Variants in CSMD1 observed in about 807,000 individuals in gnomAD.
CSMD1 encodes the protein CUB and Sushi multiple domains 1.
A neutral mutation model predicts 417.5 loss-of-function variants in CSMD1; 213 were observed. That is an observed-to-expected ratio of 0.51 (90% CI 0.46 to 0.57). CSMD1 has a LOEUF of 0.57. Ranked by LOEUF, CSMD1 falls within the 20% of genes least tolerant of loss-of-function variation. CSMD1 has a pLI of 0.00. For synonymous variants in CSMD1, 2,862 were observed against 1,736.8 expected, an observed-to-expected ratio of 1.65 and a Z score of -16.11; for missense variants, 6,923 against 4,529.7, an observed-to-expected ratio of 1.53 and a Z score of -15.17.
intron 27 of CSMD1, among the ~76,000 whole-genome samples, chr8:3,228,846 T>C (rs1033943189): frequency 2.0e-5 from 3 of 151,742 alleles, no homozygotes; most frequent in African/African-American, 7.3e-5. Flanking sequence ...GCCACATTGA[T>C]AGGCAATCAC....
chr8:4,196,250 G>A (rs745738762), intron 3 of CSMD1, among the ~76,000 whole-genome samples: 35 of 152,106 alleles, frequency 2.3e-4, no homozygotes, highest in Non-Finnish European at 4.1e-4. Flanking sequence ...ATAAACGTCT[G>A]CTGTGTCAAG....
chr8:4,115,552 A>G (rs760120931), intron 3 of CSMD1, among the ~76,000 whole-genome samples: 2 of 152,206 alleles, frequency 1.3e-5, no homozygotes, highest in Admixed American at 6.5e-5. Flanking sequence ...CTAATTCATA[A>G]TTTATTATTT....
intron 5 of CSMD1, among the ~76,000 whole-genome samples, chr8:3,885,749 C>G (rs1397670382): frequency 6.6e-6 from 1 of 152,140 alleles, no homozygotes; most frequent in Non-Finnish European, 1.5e-5. Context: ...TTCTCCATCT[C>G]ACAAACAAAC....
At chr8:4,066,129 G>T (rs981041182) in intron 3 of CSMD1, among the ~76,000 whole-genome samples, 7 of 151,970 alleles carry the variant, frequency 4.6e-5, no homozygotes, top group Middle Eastern at 6.8e-3. Flanking sequence ...CTTTGTTCAA[G>T]CTCTTTTCTC....
rs183759680 is a variant in CSMD1, at chr8:3,391,467, A to G, written c.2594-3785T>C. Among the ~76,000 whole-genome samples, 297 of 152,354 alleles carry G rather than the reference A, an allele frequency of 1.9e-3. 3 individuals are homozygous for G. The highest frequency in any genetic ancestry group is 6.7e-3 in the African/African-American group (278 of 41,572). On this transcript the variant is annotated intron_variant, in intron 17 of 69. Coordinates refer to ENST00000635120, the MANE Select transcript of CSMD1 (RefSeq NM_033225.6). ...AGTGGTGATTTAAAGATCAACATAC[A>G]AAGCAGATGATCATTCTGGAGCGAG...
chr8:4,990,743 G>T lies in CSMD1; in HGVS notation c.85+3589C>A, dbSNP rs537688317. On this transcript the variant is annotated intron_variant, in intron 1 of 69. Transcript: ENST00000635120. The stretch of plus-strand genomic sequence containing the variant: ...AGTGTCCTGGCTTCATCAGGAGGAA[G>T]GGTATTGGGTGCGGCTCTGCCATAA... 7.2e-5 allele frequency among the ~76,000 whole-genome samples: 11 copies of T among 152,176 alleles called. No individual in the cohort carries two copies. The South Asian group carries it at 8.3e-4, about 12-fold the overall frequency.
chr8:3,239,782 G>C (rs1252229619), intron 26 of CSMD1, among the ~76,000 whole-genome samples: 1 of 152,128 alleles, frequency 6.6e-6, no homozygotes, highest in Middle Eastern at 3.2e-3. Context: ...ATGAGGGCGA[G>C]GAACAGGAAA....
chr8:4,129,259 G>T (rs1802950287), intron 3 of CSMD1, among the ~76,000 whole-genome samples: 1 of 152,032 alleles, frequency 6.6e-6, no homozygotes, highest in South Asian at 2.1e-4. Context: ...CTCCTGGGGA[G>T]CCTTCAGATC....
chr8:4,130,700 G>A (rs1306143287), intron 3 of CSMD1, among the ~76,000 whole-genome samples: 1 of 149,082 alleles, frequency 6.7e-6, no homozygotes, highest in East Asian at 2.0e-4. Flanking sequence ...ATTTTGGAGG[G>A]GAGTAGATAA....
intron 5 of CSMD1, among the ~76,000 whole-genome samples, chr8:3,923,010 T>C (rs368091672): frequency 6.6e-6 from 1 of 152,200 alleles, no homozygotes; most frequent in African/African-American, 2.4e-5. Context: ...TCTATTCTTA[T>C]ATGTTAGTTA....
chr8:4,296,479 T>C (rs1000137426), intron 3 of CSMD1, among the ~76,000 whole-genome samples: 1 of 152,152 alleles, frequency 6.6e-6, no homozygotes, highest in Admixed American at 6.6e-5. Context: ...TTAAATATTT[T>C]AAATAATTAA....
chr8:3,707,205 G>A (rs561286381), intron 7 of CSMD1, among the ~76,000 whole-genome samples: 3 of 152,146 alleles, frequency 2.0e-5, no homozygotes, highest in Admixed American at 6.6e-5. Context: ...CTATAGTATC[G>A]TTGTCAAAAG....
intron 1 of CSMD1, among the ~76,000 whole-genome samples, chr8:4,941,074 A>G (rs562240180): frequency 6.6e-6 from 1 of 152,360 alleles, no homozygotes; most frequent in East Asian, 1.9e-4. Flanking sequence ...CAGATAAACC[A>G]TCTCAAACAT....
chr8:3,487,618 T>TAGAAA (rs1818129773), intron 11 of CSMD1, among the ~76,000 whole-genome samples: 1 of 152,200 alleles, frequency 6.6e-6, no homozygotes, highest in Non-Finnish European at 1.5e-5. Flanking sequence ...TATAAATATT[T>TAGAAA]AGAATTCTTA....
intron 5 of CSMD1, among the ~76,000 whole-genome samples, chr8:3,796,937 A>G (rs1271765282): frequency 6.6e-6 from 1 of 151,792 alleles, no homozygotes; most frequent in Non-Finnish European, 1.5e-5. Flanking sequence ...ATTTTGGTTA[A>G]TATGTAATGA....
At position 3,227,216 on chromosome 8, in the gene CSMD1, T is replaced by C. The variant is rs186462535; in HGVS notation, c.4345+2824A>G. 1.1e-3 allele frequency among the ~76,000 whole-genome samples: 174 copies of C among 152,074 alleles called. 2 individuals are homozygous for C. In the Middle Eastern group the frequency reaches 0.041, roughly 36 times the overall value. On this transcript the variant is annotated intron_variant, in intron 27 of 69. Transcript: ENST00000635120. The stretch of plus-strand genomic sequence containing the variant: ...GAATTCGAGACCAGCCTGGCCAACA[T>C]AGTGAAAACCCATCTCTACTAAAAA...
intron 5 of CSMD1, among the ~76,000 whole-genome samples, chr8:3,885,377 G>T (rs141965415): frequency 6.6e-6 from 1 of 152,144 alleles, no homozygotes; most frequent in Non-Finnish European, 1.5e-5. Flanking sequence ...AAATATAAAA[G>T]CTTGAAGCTG....
At chr8:3,386,596 T>G (rs1373289106) in intron 18 of CSMD1, among the ~76,000 whole-genome samples, 1 of 152,212 alleles carries the variant, frequency 6.6e-6, no homozygotes, top group Non-Finnish European at 1.5e-5. Context: ...GTCAAGGTGT[T>G]TAATGAATGC....
chr8:4,397,523 C>CTTTTTTTTT (rs57745028), intron 3 of CSMD1, among the ~76,000 whole-genome samples: 16 of 59,958 alleles, frequency 2.7e-4, no homozygotes, highest in African/African-American at 9.7e-4. Flanking sequence ...GCCTGAGACT[C>CTTTTTTTTT]TTTTTTTTTT....
Sources: allele counts gnomAD v4.1 joint callset (sites outside exome capture counted in the v4.1 genomes callset), GRCh38; gene constraint gnomAD v4.1.1; transcripts MANE v1.5; gene names NCBI Gene and HGNC (gene_info 2026-07-23, HGNC 2026-07-21).